Variants in TRIM6 observed in about 807,000 individuals in gnomAD.
TRIM6 encodes tripartite motif containing 6, also known as tripartite motif-containing protein 6.
TRIM6 carries 43 observed loss-of-function variants against 51.2 expected under a neutral mutation model. That is an observed-to-expected ratio of 0.84 (90% CI 0.66 to 1.08). TRIM6 has a LOEUF of 1.08. TRIM6 is among the 50% of genes least tolerant of loss of function. TRIM6 has a pLI of 0.00. For missense variants in TRIM6, 669 were observed against 619.0 expected (o/e 1.08, Z -0.86); for synonymous variants, 215 against 232.4 (o/e 0.93, Z 0.68).
chr11:5,610,994 C>A lies in TRIM6; in HGVS notation c.1203C>A (p.Ser401Arg). Residue 401 changes from serine (S) to arginine (R), a missense_variant, in exon 8 of 8, where the codon AGC becomes AGA. By Grantham distance (110) the Ser-to-Arg change is moderately radical. Coordinates refer to ENST00000380097, the MANE Select transcript of TRIM6 (RefSeq NM_001003818.3). Reference sequence around the variant, plus strand: ...CTGCCTGGATCCTGGGGGTATGCAGCAATTCACTGGGACCTACATTCTCTT... The same window carrying A: ...CTGCCTGGATCCTGGGGGTATGCAGAAATTCACTGGGACCTACATTCTCTT... ...KKTAWILGVCSNSLGPTFSFN... is the reference protein window; with the variant it reads ...KKTAWILGVCRNSLGPTFSFN... 1 of 1,614,120 alleles carries A rather than the reference C, an allele frequency of 6.2e-7. No individual in the cohort carries two copies. The highest frequency in any genetic ancestry group is 8.5e-7 in the Non-Finnish European group (1 of 1,180,010).
chr11:5,596,253 C>G (rs1289383726), upstream of TRIM6: 1 of 152,728 alleles, frequency 6.5e-6, no homozygotes, highest in Non-Finnish European at 1.5e-5. Flanking sequence ...ACCCGCTCTG[C>G]AGGTCGGGTT....
At chr11:5,601,888 C>T (rs1847879970) in intron 1 of TRIM6, among the ~76,000 whole-genome samples, 1 of 152,074 alleles carries the variant, frequency 6.6e-6, no homozygotes, top group Non-Finnish European at 1.5e-5. Context: ...AGTGTTTTCA[C>T]AGTCTTAGAG....
chr11:5,602,153 A>C (rs1291697306), intron 1 of TRIM6, among the ~76,000 whole-genome samples: 1 of 152,226 alleles, frequency 6.6e-6, no homozygotes, highest in Non-Finnish European at 1.5e-5. Flanking sequence ...TGTAAGAAGT[A>C]AAATAGACCG....
chr11:5,604,788 A>T, intron 3 of TRIM6, 159 bp downstream of exon 3: 3 of 665,932 alleles, frequency 4.5e-6, no homozygotes, highest in Non-Finnish European at 7.1e-6. Context: ...AAACAGGGGG[A>T]GGAGAGGAGG....
At position 5,612,550 on chromosome 11, in the gene TRIM6, T is replaced by A. The variant is rs1359752765; in HGVS notation, c.*1208T>A. 2 of 152,174 alleles carry A rather than the reference T, an allele frequency of 1.3e-5. No homozygotes were observed. Among genetic ancestry groups the A allele is most frequent in the African/African-American group, 4.8e-5 (2 of 41,442 alleles). The allele number at this position is 152,174 out of a possible 1,614,324, so 9.4% of individuals were successfully genotyped here. A position where few individuals can be genotyped will look rare whatever the true frequency, so the allele number is the denominator to read the frequency against. ...GAAAATATGAACAATATAAAGCACT[T>A]AAAGGAAGAGGATGATTTCTTCCAG... On this transcript the variant is annotated 3_prime_UTR_variant, in exon 8 of 8. Transcript: ENST00000380097.
intron 1 of TRIM6, among the ~76,000 whole-genome samples, chr11:5,602,075 G>C (rs992171053): frequency 6.6e-6 from 1 of 152,184 alleles, no homozygotes; most frequent in Non-Finnish European, 1.5e-5. Flanking sequence ...TGAACAAAAA[G>C]TCTCAGATCT....
chr11:5,600,380 G>A (rs1482196696), intron 1 of TRIM6, among the ~76,000 whole-genome samples: 2 of 152,176 alleles, frequency 1.3e-5, no homozygotes, highest in Non-Finnish European at 2.9e-5. Flanking sequence ...TATTTGCTGT[G>A]AGCATCGCTG....
At chr11:5,610,071 G>A (rs1848479218) in intron 5 of TRIM6, 74 bp from the exon 6 acceptor site, 2 of 1,490,372 alleles carry the variant, frequency 1.3e-6, no homozygotes, top group Non-Finnish European at 1.9e-6. Flanking sequence ...AGTAGGCTTG[G>A]GAGGTAAGGG....
chr11:5,610,702 C>G, intron 7 of TRIM6, 75 bp from the exon 8 acceptor site: 16 of 1,576,208 alleles, frequency 1.0e-5, no homozygotes, highest in Non-Finnish European at 1.4e-5. Context: ...CAACCACTTC[C>G]TGTGTTTCCT....
rs1848572673 is a variant in TRIM6, at chr11:5,611,426, T to C, written c.*84T>C. 2 of 1,171,160 alleles carry C rather than the reference T, an allele frequency of 1.7e-6. No homozygotes were observed. The highest frequency in any genetic ancestry group is 2.4e-6 in the Non-Finnish European group (2 of 818,898). 72.5% of individuals were successfully genotyped at this position (1,171,160 alleles called of 1,614,324 possible). On this transcript the variant is annotated 3_prime_UTR_variant, in exon 8 of 8. Transcript: ENST00000380097. ...TCTCCCTTCTGATCTTCTGTTTTTC[T>C]GTGTTCTCAATTCTTTTGTTGTTTT... is the stretch of plus-strand genomic sequence containing the variant.
Position 5,603,387 on chromosome 11 carries a change from CCT to C in TRIM6, c.160_161del (p.Leu54GlufsTer45), listed in dbSNP as rs752959238. 1.4e-5 allele frequency: 23 copies of C among 1,613,676 alleles called. No homozygotes were observed. Among genetic ancestry groups the C allele is most frequent in the Non-Finnish European group, 1.9e-5 (23 of 1,179,690 alleles). On this transcript the variant is annotated frameshift_variant, in exon 2 of 8. Transcript: ENST00000380097. LOFTEE classifies it high-confidence loss of function. ...TCTGCCTGGAGCTCCTAACAGAACC[CCT>C]GAGCATAGACTGTGGCCACAGCTTC... is the stretch of plus-strand genomic sequence containing the variant. ...PICLELLTEPLSIDCGHSFCQ... is the reference protein window; with the variant it reads ...PICLELLTEPXSIDCGHSFCQ...
chr11:5,600,023 C>T (rs967162009), intron 1 of TRIM6, among the ~76,000 whole-genome samples: 2 of 152,174 alleles, frequency 1.3e-5, no homozygotes, highest in African/African-American at 4.8e-5. Flanking sequence ...GCAGTTCCCA[C>T]AGGTGTGATT....
In TRIM6 at chr11:5,596,890, T is replaced by G; in HGVS notation, c.-8T>G. 4 of 1,613,984 alleles carry G rather than the reference T, an allele frequency of 2.5e-6. No individual in the cohort carries two copies. The highest frequency in any genetic ancestry group is 3.4e-6 in the Non-Finnish European group (4 of 1,179,946). On this transcript the variant is annotated 5_prime_UTR_variant, in exon 1 of 8. Coordinates refer to ENST00000380097, the MANE Select transcript of TRIM6 (RefSeq NM_001003818.3). ...ACATCTGGAACTTCTTGGCTTCTCA[T>G]TCCCCAGATGTGCGGGTCAGAGAGG...
At chr11:5,608,318 G>C in intron 4 of TRIM6, 54 bp from the exon 5 acceptor site, 1 of 1,608,856 alleles carries the variant, frequency 6.2e-7, no homozygotes, top group Non-Finnish European at 8.5e-7. Context: ...GGAGAAATGT[G>C]GATAAGGGCA....
intron 4 of TRIM6, among the ~76,000 whole-genome samples, chr11:5,606,998 T>C (rs1285233829): frequency 1.3e-5 from 2 of 152,070 alleles, no homozygotes; most frequent in African/African-American, 4.8e-5. Flanking sequence ...GGTCAGGAGA[T>C]TGAGACCATC....
rs747508658 is a variant in TRIM6, at chr11:5,608,368, C to T, written c.835-4C>T. On this transcript the variant is annotated splice_polypyrimidine_tract_variant and splice_region_variant and intron_variant, in intron 4 of 7. Transcript: ENST00000380097. ...TTGACTTAACCTGTCTTTTTCCTTC[C>T]TAGGATGTGAGTGATGTCACAGAAA... is the stretch of plus-strand genomic sequence containing the variant. 6.2e-7 allele frequency: 1 copy of T among 1,613,256 alleles called. No homozygotes were observed. The highest frequency in any genetic ancestry group is 1.1e-5 in the South Asian group (1 of 91,010).
Position 5,610,762 on chromosome 11 carries a change from T to TA in TRIM6, c.986-14dup. 6.2e-7 allele frequency: 1 copy of TA among 1,612,960 alleles called. No homozygotes were observed. The highest frequency in any genetic ancestry group is 8.5e-7 in the Non-Finnish European group (1 of 1,179,284). ...TCCCCGTTCTCATCTGCTGATGTTG[T>TA]ACCTTTTCCTACAGTTGACGTGACC... On this transcript the variant is annotated splice_polypyrimidine_tract_variant and intron_variant, in intron 7 of 7. Coordinates refer to ENST00000380097, the MANE Select transcript of TRIM6 (RefSeq NM_001003818.3).
chr11:5,610,429 T>A (rs1231411811), intron 6 of TRIM6, 106 bp from the exon 7 acceptor site: 1 of 1,601,820 alleles, frequency 6.2e-7, no homozygotes, highest in Non-Finnish European at 8.5e-7. Context: ...CCAGGTGACA[T>A]CCTCACAGGA....
In TRIM6 at chr11:5,611,397, T is replaced by C; in HGVS notation, c.*55T>C. On this transcript the variant is annotated 3_prime_UTR_variant, in exon 8 of 8. Transcript: ENST00000380097. ...AAGTACCCTGAGGCTTATCAGCATGTGATTCTCCCTTCTGATCTTCTGTTT... is the reference window on the plus strand; with the variant it reads ...AAGTACCCTGAGGCTTATCAGCATGCGATTCTCCCTTCTGATCTTCTGTTT... 7.6e-7 allele frequency: 1 copy of C among 1,318,344 alleles called. No homozygotes were observed. The highest frequency in any genetic ancestry group is 1.5e-5 in the African/African-American group (1 of 67,782). 81.7% of individuals were successfully genotyped at this position (1,318,344 alleles called of 1,614,324 possible). A position where few individuals can be genotyped will look rare whatever the true frequency, so the allele number is the denominator to read the frequency against.
Sources: gnomAD v4.1 joint callset for allele counts (sites outside exome capture counted in the v4.1 genomes callset) on GRCh38, gnomAD v4.1.1 for gene constraint, MANE v1.5 for transcripts, NCBI Gene and HGNC (gene_info 2026-07-23, HGNC 2026-07-21) for gene names.